ADAMTSL1: variants seen among roughly 807,000 people sequenced by gnomAD.
ADAMTSL1 encodes ADAMTS like 1.
Under a neutral mutation model 201.8 loss-of-function variants are expected in ADAMTSL1, and 126 were observed. The ratio of observed to expected loss-of-function variants is 0.62; its 90% CI spans 0.54 to 0.72. ADAMTSL1 has a LOEUF of 0.72. ADAMTSL1 is among the 30% of genes least tolerant of loss of function. The pLI, the probability that ADAMTSL1 is intolerant of heterozygous loss-of-function variation, is 0.00. For synonymous variants in ADAMTSL1, 1,121 were observed against 903.4 expected (o/e 1.24, Z -4.32); for missense variants, 2,679 against 2,277.8 (o/e 1.18, Z -3.59).
At chr9:18,005,862 G>C (rs566825273) in intron 1 of ADAMTSL1, among the ~76,000 whole-genome samples, 7 of 152,086 alleles carry the variant, frequency 4.6e-5, no homozygotes, top group African/African-American at 1.7e-4. Context: ...AGAATGCATT[G>C]CTTCCTGGTC....
intron 14 of ADAMTSL1, among the ~76,000 whole-genome samples, chr9:18,712,102 A>C (rs1238253833): frequency 1.3e-5 from 2 of 151,294 alleles, no homozygotes; most frequent in African/African-American, 4.8e-5. Context: ...TCTGTACATC[A>C]CCATCATCAA....
intron 1 of ADAMTSL1, among the ~76,000 whole-genome samples, chr9:18,501,339 C>T (rs930786361): frequency 6.6e-6 from 1 of 151,738 alleles, no homozygotes; most frequent in African/African-American, 2.4e-5. Context: ...AGCGAAACCT[C>T]GTCTCTATGA....
chr9:18,601,590 G>A (rs1824660695), intron 4 of ADAMTSL1, among the ~76,000 whole-genome samples: 1 of 152,152 alleles, frequency 6.6e-6, no homozygotes, highest in African/African-American at 2.4e-5. Flanking sequence ...TCCTAGGGAT[G>A]CTATAAGTGA....
intron 3 of ADAMTSL1, among the ~76,000 whole-genome samples, chr9:18,572,597 C>T (rs1822402992): frequency 1.3e-5 from 2 of 151,520 alleles, no homozygotes; most frequent in East Asian, 3.9e-4. Flanking sequence ...TGAACAATTT[C>T]ATGTTCATCC....
chr9:17,907,743 C>T (rs1400405517), intron 1 of ADAMTSL1, among the ~76,000 whole-genome samples: 1 of 152,146 alleles, frequency 6.6e-6, no homozygotes, highest in Non-Finnish European at 1.5e-5. Flanking sequence ...GGGCAGGGGT[C>T]CAGGGTCGAG....
At chr9:18,434,680 G>A (rs1201735924) in intron 2 of ADAMTSL1, among the ~76,000 whole-genome samples, 2 of 152,180 alleles carry the variant, frequency 1.3e-5, no homozygotes, top group African/African-American at 4.8e-5. Context: ...TTTTGGAAAT[G>A]CAGTTGGTTA....
chr9:18,577,574 C>T (rs1822814371), intron 4 of ADAMTSL1, among the ~76,000 whole-genome samples: 2 of 152,240 alleles, frequency 1.3e-5, no homozygotes, highest in South Asian at 4.1e-4. Flanking sequence ...TCCCTAAGCT[C>T]CATTTTTCAA....
chr9:18,363,024 G>A (rs558157711), intron 2 of ADAMTSL1, among the ~76,000 whole-genome samples: 1 of 152,306 alleles, frequency 6.6e-6, no homozygotes, highest in East Asian at 1.9e-4. Context: ...TAGAACAAAA[G>A]GACTCAAGCT....
intron 1 of ADAMTSL1, among the ~76,000 whole-genome samples, chr9:18,482,457 T>A (rs1181107221): frequency 6.6e-6 from 1 of 152,232 alleles, no homozygotes; most frequent in Non-Finnish European, 1.5e-5. Context: ...TTGGGTATTT[T>A]CCCCTTCAAT....
At chr9:18,211,462 T>G (rs1246163082) in intron 2 of ADAMTSL1, among the ~76,000 whole-genome samples, 1 of 152,192 alleles carries the variant, frequency 6.6e-6, no homozygotes, top group Non-Finnish European at 1.5e-5. Flanking sequence ...TTTTTGTATC[T>G]CTGTTATAGG....
intron 2 of ADAMTSL1, among the ~76,000 whole-genome samples, chr9:18,359,337 G>C (rs1393568229): frequency 6.6e-6 from 1 of 152,036 alleles, no homozygotes; most frequent in Admixed American, 6.6e-5. Flanking sequence ...ATCCGATGCT[G>C]TCCTAAGAAT....
Position 18,490,269 on chromosome 9 carries a change from G to C in ADAMTSL1, c.64-14560G>C, listed in dbSNP as rs77363536. ...TCTGAATGGGGGCTCTAGCAGACAGGGGGAACAGAAGGAAGCTACACAGCA... is the reference window on the plus strand; with the variant it reads ...TCTGAATGGGGGCTCTAGCAGACAGCGGGAACAGAAGGAAGCTACACAGCA... On this transcript the variant is annotated intron_variant, in intron 1 of 28. Transcript: ENST00000380548. Among the ~76,000 whole-genome samples, 1,446 of 152,182 alleles carry C rather than the reference G, an allele frequency of 9.5e-3. 23 individuals carry two copies. The highest frequency in any genetic ancestry group is 0.033 in the African/African-American group (1,366 of 41,520).
intron 1 of ADAMTSL1, among the ~76,000 whole-genome samples, chr9:17,931,979 G>C (rs942796128): frequency 6.6e-6 from 1 of 152,202 alleles, no homozygotes; most frequent in African/African-American, 2.4e-5. Context: ...TGTAGAGGCT[G>C]TGTGGAAATG....
intron 1 of ADAMTSL1, among the ~76,000 whole-genome samples, chr9:18,143,087 C>T (rs1406076865): frequency 1.3e-5 from 2 of 152,254 alleles, no homozygotes; most frequent in East Asian, 1.9e-4. Context: ...CAGCATTGAG[C>T]CTGGACAAAG....
chr9:18,192,838 G>A (rs1413457111), intron 2 of ADAMTSL1, among the ~76,000 whole-genome samples: 5 of 152,098 alleles, frequency 3.3e-5, no homozygotes, highest in Admixed American at 6.6e-5. Flanking sequence ...TTCCTAGTAG[G>A]TTTTATTTAT....
chr9:18,295,223 C>T (rs1246078560), intron 2 of ADAMTSL1, among the ~76,000 whole-genome samples: 4 of 152,076 alleles, frequency 2.6e-5, no homozygotes, highest in Non-Finnish European at 5.9e-5. Flanking sequence ...GTCAGTAAAT[C>T]ATTAGCTTTA....
chr9:18,894,437 G>A (rs548255777), intron 26 of ADAMTSL1, among the ~76,000 whole-genome samples: 1 of 145,618 alleles, frequency 6.9e-6, no homozygotes, highest in South Asian at 2.2e-4. Context: ...ACCTAATCTA[G>A]GTGAGCAATT....
At chr9:18,711,328 G>A (rs146493636) in intron 14 of ADAMTSL1, among the ~76,000 whole-genome samples, 2,638 of 152,200 alleles carry the variant, frequency 0.017, 82 homozygotes, top group African/African-American at 0.061. Flanking sequence ...ATTTCCATCT[G>A]AGGTACTGGG....
chr9:18,581,185 G>A (rs1333087050), intron 4 of ADAMTSL1, among the ~76,000 whole-genome samples: 1 of 152,022 alleles, frequency 6.6e-6, no homozygotes, highest in Non-Finnish European at 1.5e-5. Context: ...ACTTGCAGCT[G>A]CATCACTCTA....
Sources: gnomAD v4.1 joint callset for allele counts (sites outside exome capture counted in the v4.1 genomes callset) on GRCh38, gnomAD v4.1.1 for gene constraint, MANE v1.5 for transcripts, NCBI Gene and HGNC (gene_info 2026-07-23, HGNC 2026-07-21) for gene names.